The following ATP8B4 variants were observed in gnomAD, a reference collection of about 807,000 sequenced individuals.
ATP8B4 encodes the protein ATPase phospholipid transporting 8B4 (putative).
ATP8B4 carries 133 observed loss-of-function variants against 145.6 expected under a neutral mutation model. That is an observed-to-expected ratio of 0.91 (90% confidence interval 0.79 to 1.05). ATP8B4 has a LOEUF of 1.05. Ranked by LOEUF, ATP8B4 falls within the 50% of genes least tolerant of loss-of-function variation. ATP8B4 has a pLI of 0.00. For synonymous variants in ATP8B4, 507 were observed against 492.9 expected, an observed-to-expected ratio of 1.03 and a Z score of -0.38; for missense variants, 1,458 against 1,425.2, an observed-to-expected ratio of 1.02 and a Z score of -0.37.
intron 9 of ATP8B4, 80 bp from the exon 10 acceptor site, chr15:49,987,629 A>T: frequency 7.0e-7 from 1 of 1,418,550 alleles, no homozygotes. Flanking sequence ...CTGTTTTACC[A>T]CTGTTTCCCT....
At position 50,161,670 on chromosome 15, in the gene ATP8B4, CCA is replaced by C. The variant is rs201840102; in HGVS notation, c.-43+20589_-43+20590del. Among the ~76,000 whole-genome samples the C allele has an allele frequency of 6.1e-3, 927 of 152,108 alleles. 10 individuals carry two copies. The highest frequency in any genetic ancestry group is 0.022 in the African/African-American group (902 of 41,516). On this transcript the variant is annotated intron_variant, in intron 1 of 3. Transcript: ENST00000558829. ...AAACTCTCCACTTTAACTATATCCCCCACTTTTTACCTTTTTGTTTTTTCTAT... is the reference window on the plus strand; with the variant it reads ...AAACTCTCCACTTTAACTATATCCCCCTTTTTACCTTTTTGTTTTTTCTAT...
At chr15:50,156,694 G>A (rs1429142655) in intron 1 of ATP8B4, among the ~76,000 whole-genome samples, 1 of 152,146 alleles carries the variant, frequency 6.6e-6, no homozygotes, top group Non-Finnish European at 1.5e-5. Context: ...TTTCCTTGAT[G>A]CAATTTGCAC....
chr15:50,051,956 G>A (rs1017687991), intron 3 of ATP8B4, among the ~76,000 whole-genome samples: 6 of 152,166 alleles, frequency 3.9e-5, no homozygotes, highest in African/African-American at 1.2e-4. Flanking sequence ...TACTCGTTCT[G>A]TTGTAACTTA....
chr15:49,942,476 A>C (rs1000579529), intron 14 of ATP8B4, among the ~76,000 whole-genome samples: 2 of 152,076 alleles, frequency 1.3e-5, no homozygotes, highest in Non-Finnish European at 2.9e-5. Flanking sequence ...AAAAAGAAGA[A>C]AAAAATAGGG....
intron 7 of ATP8B4, 141 bp from the exon 8 acceptor site, chr15:50,002,364 C>T (rs1189376598): frequency 1.5e-6 from 1 of 645,278 alleles, no homozygotes; most frequent in Non-Finnish European, 2.6e-6. Context: ...TGTTCTACCT[C>T]TATGTCATAT....
At chr15:50,063,085 TAA>T (rs753490770) in intron 3 of ATP8B4, among the ~76,000 whole-genome samples, 4 of 138,618 alleles carry the variant, frequency 2.9e-5, no homozygotes, top group Admixed American at 7.2e-5. Flanking sequence ...TAGATGTCTT[TAA>T]AAAAAAAAAA....
intron 3 of ATP8B4, among the ~76,000 whole-genome samples, chr15:50,061,047 C>T (rs1465605317): frequency 6.6e-6 from 1 of 152,078 alleles, no homozygotes; most frequent in African/African-American, 2.4e-5. Context: ...CCCAGTAGGT[C>T]GTGGAGTTGA....
chr15:50,009,752 C>G, intron 7 of ATP8B4: 1 of 447,206 alleles, frequency 2.2e-6, no homozygotes, highest in South Asian at 1.6e-5. Flanking sequence ...GAGAACCTGG[C>G]AAACTGTTCT....
chr15:50,159,559 G>T (rs2044484394), intron 1 of ATP8B4, among the ~76,000 whole-genome samples: 1 of 152,160 alleles, frequency 6.6e-6, no homozygotes, highest in Non-Finnish European at 1.5e-5. Flanking sequence ...GGGTATCCTT[G>T]TCTTGTTCAA....
chr15:50,052,902 G>A (rs1296691228), intron 3 of ATP8B4, among the ~76,000 whole-genome samples: 1 of 152,186 alleles, frequency 6.6e-6, no homozygotes, highest in African/African-American at 2.4e-5. Context: ...CCTAAGTGAA[G>A]GGGGAATTAC....
At chr15:49,862,990 C>T (rs1326997462) in intron 26 of ATP8B4, among the ~76,000 whole-genome samples, 2 of 152,210 alleles carry the variant, frequency 1.3e-5, no homozygotes, top group Non-Finnish European at 1.5e-5. Flanking sequence ...TTAAAAGGCA[C>T]ATTTACCCTT....
chr15:50,170,156 T>C (rs1259854735), intron 1 of ATP8B4, among the ~76,000 whole-genome samples: 2 of 152,086 alleles, frequency 1.3e-5, no homozygotes, highest in Non-Finnish European at 1.5e-5. Flanking sequence ...GACCTAGACA[T>C]GTAAATATGA....
chr15:50,101,368 C>T (rs2056343205), intron 2 of ATP8B4, among the ~76,000 whole-genome samples: 1 of 151,908 alleles, frequency 6.6e-6, no homozygotes, highest in African/African-American at 2.4e-5. Context: ...TAAAGACTCA[C>T]ATAAACTTAA....
At chr15:50,137,301 A>G (rs1253317077) in intron 1 of ATP8B4, among the ~76,000 whole-genome samples, 1 of 152,210 alleles carries the variant, frequency 6.6e-6, no homozygotes, top group Admixed American at 6.5e-5. Context: ...TCTTCTAGAA[A>G]AGGAATGTTT....
intron 3 of ATP8B4, among the ~76,000 whole-genome samples, chr15:50,064,748 A>G (rs560007168): frequency 1.0e-3 from 154 of 152,298 alleles, no homozygotes; most frequent in African/African-American, 3.6e-3. Flanking sequence ...GGCTGTACAC[A>G]AAGCATAGAG....
At chr15:49,888,729 T>C (rs1036708858) in intron 23 of ATP8B4, among the ~76,000 whole-genome samples, 2 of 152,202 alleles carry the variant, frequency 1.3e-5, no homozygotes. Context: ...GGATAAGGCA[T>C]GTCCTTAAAA....
intron 6 of ATP8B4, among the ~76,000 whole-genome samples, chr15:50,032,467 C>T (rs2050524163): frequency 6.6e-6 from 1 of 152,120 alleles, no homozygotes. Context: ...CAAGTTTTTG[C>T]TACTGTAAAT....
At chr15:49,881,528 T>G (rs113400784) in intron 23 of ATP8B4, among the ~76,000 whole-genome samples, 6,109 of 152,198 alleles carry the variant, frequency 0.04, 171 homozygotes, top group Non-Finnish European at 0.06. Context: ...ACAAGACAGC[T>G]GCAGCCACGT....
chr15:50,098,266 ATTTTTTTTTTTTTTTTTTTT>A (rs71124319), intron 2 of ATP8B4, among the ~76,000 whole-genome samples: 38 of 41,766 alleles, frequency 9.1e-4, no homozygotes, highest in African/African-American at 2.8e-3. Flanking sequence ...TTGTCAGGTG[ATTTTTTTTTTTTTTTTTTTT>A]TTTTTTTTTT....
Sources: gnomAD v4.1 joint callset for allele counts (sites outside exome capture counted in the v4.1 genomes callset) on GRCh38, gnomAD v4.1.1 for gene constraint, MANE v1.5 for transcripts, NCBI Gene and HGNC (gene_info 2026-07-23, HGNC 2026-07-21) for gene names.